Variants in ARX observed in about 807,000 individuals in gnomAD.
ARX encodes homeobox protein ARX.
Under a neutral mutation model 23.1 loss-of-function variants are expected in ARX, and 1 was observed. The ratio of observed to expected loss-of-function variants is 0.04; its 90% CI spans 0.02 to 0.21. ARX has a LOEUF of 0.21. Among genes scored for constraint, ARX ranks in the 10% least tolerant of loss-of-function variants. ARX has a pLI of 1.00. For missense variants in ARX, 380 were observed against 527.5 expected, an observed-to-expected ratio of 0.72 and a Z score of 2.74; for synonymous variants, 301 against 270.1, an observed-to-expected ratio of 1.11 and a Z score of -1.12.
chrX:25,015,001 A>G (rs917954061), intron 1 of ARX, among the ~76,000 whole-genome samples: 1 of 112,777 alleles, frequency 8.9e-6, no homozygotes, highest in African/African-American at 3.2e-5. Context: ...TTTTAAATAC[A>G]TTAAGGAGCA....
intron 3 of ARX, among the ~76,000 whole-genome samples, chrX:25,009,849 A>C (rs1018605794): frequency 6.3e-5 from 7 of 111,613 alleles, no homozygotes; most frequent in Non-Finnish European, 1.3e-4. Flanking sequence ...TGGAGACTTA[A>C]TCGCAGCCAA....
chrX:25,012,659 T>C (rs2048706737), intron 2 of ARX, among the ~76,000 whole-genome samples: 1 of 112,759 alleles, frequency 8.9e-6, no homozygotes, highest in South Asian at 3.6e-4. Context: ...AACTAAAACT[T>C]GTAATTTGAA....
At position 25,007,450 on chromosome X, in the gene ARX, G is replaced by A; in HGVS notation, c.1120-11C>T. 4 of 1,156,559 alleles carry A rather than the reference G, an allele frequency of 3.5e-6. No individual in the cohort carries two copies. The South Asian group carries it at 5.7e-5, about 17-fold the overall frequency. On this transcript the variant is annotated splice_polypyrimidine_tract_variant and intron_variant, in intron 3 of 4. Transcript: ENST00000379044. ...GTTCTGGAACCAGACCTGCAAGGCA[G>A]AGAGAGCCCAGGGTCGGCGCGGCTC...
Position 25,004,708 on chromosome X carries a change from T to G in ARX, c.1651A>C (p.Ile551Leu). Residue 551 changes from isoleucine (I) to leucine (L), a missense_variant, in exon 5 of 5, where the codon ATC becomes CTC. Physicochemically the swap from Ile to Leu is conservative, Grantham distance 5. Coordinates refer to ENST00000379044, the MANE Select transcript of ARX (RefSeq NM_139058.3). ...TTGCCCGTGCTGGTGCCCGGCAGGATGTTGAGCTGCGTGAGCTGCGCCGCG... is the reference window on the plus strand; with the variant it reads ...TTGCCCGTGCTGGTGCCCGGCAGGAGGTTGAGCTGCGTGAGCTGCGCCGCG... The part of the protein sequence containing the change: ...EHAAQLTQLN[I>L]LPGTSTGKEV... 4.3e-6 allele frequency: 5 copies of G among 1,164,570 alleles called. No individual in the cohort carries two copies. The highest frequency in any genetic ancestry group is 5.7e-6 in the Non-Finnish European group (5 of 872,337).
At chrX:25,005,110 G>C (rs1188134478) in intron 4 of ARX, among the ~76,000 whole-genome samples, 200 bp from the exon 5 acceptor site, 3 of 112,033 alleles carry the variant, frequency 2.7e-5, no homozygotes, top group Non-Finnish European at 5.7e-5. Context: ...GCAGGGAACC[G>C]ACTGGGGGGA....
chrX:25,011,308 G>T (rs1382073991), intron 2 of ARX, among the ~76,000 whole-genome samples: 2 of 110,547 alleles, frequency 1.8e-5, no homozygotes, highest in African/African-American at 6.6e-5. Context: ...AATCTAAAGC[G>T]GCACTCCAGG....
chrX:25,011,931 A>G (rs1043237455), intron 2 of ARX, among the ~76,000 whole-genome samples: 1 of 112,887 alleles, frequency 8.9e-6, no homozygotes, highest in African/African-American at 3.2e-5. Context: ...GTTTGCCCTA[A>G]GACTGGCTCC....
intron 1 of ARX, 21 bp from the exon 2 acceptor site, chrX:25,013,819 T>C: frequency 1.1e-6 from 1 of 917,682 alleles, no homozygotes; most frequent in East Asian, 4.4e-5. Flanking sequence ...GGGAGAGCTA[T>C]CAGCCAGCCG....
rs150532195 is a variant in ARX at position 25,006,666 on chromosome X, T to C, written c.1448+445A>G. On this transcript the variant is annotated intron_variant, in intron 4 of 4. Transcript: ENST00000379044. The stretch of plus-strand genomic sequence containing the variant: ...AAGAATTCTGTGCACCCAGAGGGCC[T>C]GGTGGCTCCAGGGCTCCCATGGGGA... 6.0e-3 allele frequency: 673 copies of C among 113,087 alleles called. 7 individuals are homozygous for C. Among genetic ancestry groups the C allele is most frequent in the African/African-American group, 0.021 (650 of 30,584 alleles). 9.3% of individuals were successfully genotyped at this position (113,087 alleles called of 1,213,427 possible).
Position 25,015,937 on chromosome X carries a change from C to T in ARX, c.-200G>A. ...CCGCGGCCCGAGCTCGCCCTCTCCG[C>T]GCTCAGGACAAGCGGTAACAAGTGT... On this transcript the variant is annotated 5_prime_UTR_variant, in exon 1 of 5. Transcript: ENST00000379044. 2.1e-6 allele frequency: 1 copy of T among 467,266 alleles called. No homozygotes were observed. The highest frequency in any genetic ancestry group is 3.1e-5 in the South Asian group (1 of 32,342). 38.5% of individuals were successfully genotyped at this position (467,266 alleles called of 1,213,427 possible). A position where few individuals can be genotyped will look rare whatever the true frequency, so the allele number is the denominator to read the frequency against.
intron 2 of ARX, among the ~76,000 whole-genome samples, chrX:25,012,708 A>C (rs1471707100): frequency 8.9e-6 from 1 of 112,821 alleles, no homozygotes; most frequent in Non-Finnish European, 1.9e-5. Context: ...AAGATAAACC[A>C]TTCCAGCCTA....
intron 3 of ARX, among the ~76,000 whole-genome samples, chrX:25,008,381 T>C (rs779650567): frequency 3.4e-4 from 38 of 112,988 alleles, no homozygotes; most frequent in Non-Finnish European, 5.6e-4. Flanking sequence ...CTTTTGGAGA[T>C]GTGTTTTAAA....
In ARX at chrX:25,007,301, G is replaced by T; in HGVS notation, c.1258C>A (p.Pro420Thr). 8.9e-7 allele frequency: 1 copy of T among 1,126,360 alleles called. No homozygotes were observed. 92.8% of individuals were successfully genotyped at this position (1,126,360 alleles called of 1,213,427 possible). Residue 420 changes from proline (P) to threonine (T), a missense_variant, in exon 4 of 5, where the codon CCT becomes ACT. Around this residue, in one of 3 missense-constraint regions of ARX, gnomAD observed 121 missense variants for 169.7 expected, o/e 0.71. Transcript: ENST00000379044. ...GAGTCGAGCGCCGGGTGGTGCGGAG[G>T]GAAGGGGCTGGCGTCCAGGTAGGGG... Reference protein sequence around the residue: ...LSPYLDASPFPPHHPALDSAW... With the variant: ...LSPYLDASPFTPHHPALDSAW...
chrX:25,007,484 G>A, intron 3 of ARX, 45 bp from the exon 4 acceptor site: 1 of 1,135,033 alleles, frequency 8.8e-7, no homozygotes, highest in Non-Finnish European at 1.2e-6. Flanking sequence ...TCGGCCCGGC[G>A]GGCGCACCGG....
In ARX at chrX:25,015,579, C is replaced by T; in HGVS notation, c.159G>A (p.Pro53=). The T allele has an allele frequency of 8.3e-7, 1 of 1,210,788 alleles. No individual in the cohort carries two copies. The highest frequency in any genetic ancestry group is 1.1e-6 in the Non-Finnish European group (1 of 895,034). The part of the protein sequence containing the change: ...LLGAAQSLPA[P]LTSRADPEKA... ...TTTCCGGGTCGGCGCGGCTGGTCAG[C>T]GGAGCAGGCAAGCTCTGCGCGGCTC... The change falls in exon 1 of 5, where the codon CCG becomes CCA. Residue 53 remains proline (P), a synonymous_variant. Coordinates refer to ENST00000379044, the MANE Select transcript of ARX (RefSeq NM_139058.3).
At position 25,015,527 on chromosome X, in the gene ARX, C is replaced by G; in HGVS notation, c.196+15G>C. 1 of 1,208,494 alleles carries G rather than the reference C, an allele frequency of 8.3e-7. No individual in the cohort carries two copies. The highest frequency in any genetic ancestry group is 1.1e-6 in the Non-Finnish European group (1 of 893,832). On this transcript the variant is annotated intron_variant, in intron 1 of 4. Coordinates refer to ENST00000379044, the MANE Select transcript of ARX (RefSeq NM_139058.3). ...CCCAATGCCCTTAGTAAGTGCCTGA[C>G]GGGAGCATCCTTACCTTGCACGGCC...
intron 4 of ARX, chrX:25,006,134 G>T (rs1033357881): frequency 8.9e-6 from 1 of 112,389 alleles, no homozygotes; most frequent in Non-Finnish European, 1.9e-5. Context: ...AGTGGAGGGA[G>T]GGGAGAGACA....
chrX:25,013,184 T>C lies in ARX; in HGVS notation c.811A>G (p.Thr271Ala), dbSNP rs1057522232. ...KEPRRCPVAATGAVAAAAAAA... is the reference protein window; with the variant it reads ...KEPRRCPVAAAGAVAAAAAAA... ...GCAGCTGCTGCGGCCACGGCGCCAG[T>C]GGCGGCCACAGGACAGCGCCGGGGC... is the stretch of plus-strand genomic sequence containing the variant. The change falls in exon 2 of 5, where the codon ACT (threonine) becomes GCT (alanine). Residue 271 changes from threonine to alanine, a missense_variant. By Grantham distance (58) the Thr-to-Ala change is moderately conservative (BLOSUM62 0). Transcript: ENST00000379044. 1.7e-6 allele frequency: 2 copies of C among 1,184,221 alleles called. No homozygotes were observed. The highest frequency in any genetic ancestry group is 2.3e-6 in the Non-Finnish European group (2 of 882,906).
intron 2 of ARX, among the ~76,000 whole-genome samples, chrX:25,012,658 T>G (rs2048706726): frequency 1.8e-5 from 2 of 112,861 alleles, no homozygotes; most frequent in African/African-American, 6.4e-5. Context: ...TAACTAAAAC[T>G]TGTAATTTGA....
Sources: allele counts gnomAD v4.1 joint callset (sites outside exome capture counted in the v4.1 genomes callset), GRCh38; gene constraint gnomAD v4.1.1; regional missense constraint gnomAD v4.1.1; transcripts MANE v1.5; gene names NCBI Gene and HGNC (gene_info 2026-07-23, HGNC 2026-07-21).